Variants in PCDHB8 observed in about 807,000 individuals in gnomAD.
The protein encoded by PCDHB8 is protocadherin beta 8, also known as protocadherin beta-8.
For synonymous variants in PCDHB8, 385 were observed against 448.5 expected, an observed-to-expected ratio of 0.86 and a Z score of 1.79; for missense variants, 836 against 1,004.0, an observed-to-expected ratio of 0.83 and a Z score of 2.26.
At position 141,180,020 on chromosome 5, in the gene PCDHB8, C is replaced by T. The variant is rs782549414; in HGVS notation, c.1986C>T (p.Leu662=). The T allele has an allele frequency of 1.2e-6, 2 of 1,609,178 alleles. No homozygotes were observed. The highest frequency in any genetic ancestry group is 2.2e-5 in the East Asian group (1 of 44,878). ...CGGCCACCGCCACGCTGCACGTGCT[C>T]CTGGTGGACGGCTTCTCCCAGCCCT... ...PCSATATLHV[L]LVDGFSQPYL... is the part of the protein sequence containing the mutation. Residue 662 remains leucine, a synonymous_variant, in exon 1 of 1, where the codon CTC becomes CTT. Coordinates refer to ENST00000239444, the MANE Select transcript of PCDHB8 (RefSeq NM_019120.5).
rs782343906 is a variant in PCDHB8, at chr5:141,178,697, G to A, written c.663G>A (p.Pro221=). 6 of 1,603,144 alleles carry A rather than the reference G, an allele frequency of 3.7e-6. No homozygotes were observed. The East Asian group carries it at 1.4e-4, about 36-fold the overall frequency. ...LTLTALDGGS[P]PRSGTAQVYI... Reference sequence around the variant, plus strand: ...TCACAGCACTGGATGGTGGCTCTCCGCCCAGATCTGGCACTGCTCAGGTCT... The same window carrying A: ...TCACAGCACTGGATGGTGGCTCTCCACCCAGATCTGGCACTGCTCAGGTCT... The change falls in exon 1 of 1, where the codon CCG becomes CCA. Residue 221 remains proline (P), a synonymous_variant. Transcript: ENST00000239444.
In PCDHB8 at chr5:141,178,902, A is replaced by G. The variant is rs572365280; in HGVS notation, c.868A>G (p.Ser290Gly). The G allele has an allele frequency of 4.3e-6, 7 of 1,614,260 alleles. No individual in the cohort carries two copies. The Admixed American group carries it at 5.0e-5, about 12-fold the overall frequency. Residue 290 changes from serine to glycine, a missense_variant, in exon 1 of 1, where the codon AGC (serine) becomes GGC (glycine). Physicochemically the swap from Ser to Gly is moderately conservative, Grantham distance 56 (BLOSUM62 0). Coordinates refer to ENST00000239444, the MANE Select transcript of PCDHB8 (RefSeq NM_019120.5). ...ACTTTTCCAAGCTTCAGATGAGATA[A>G]GCAAAACTTTTAAGGTCGATTTCTT... ...YSLFQASDEI[S>G]KTFKVDFLTG...
rs1554281457 is a variant in PCDHB8 at position 141,179,941 on chromosome 5, C to A, written c.1907C>A (p.Ala636Glu). 1 of 1,608,740 alleles carries A rather than the reference C, an allele frequency of 6.2e-7. No individual in the cohort carries two copies. Among genetic ancestry groups the A allele is most frequent in the Non-Finnish European group, 8.5e-7 (1 of 1,179,580 alleles). The change falls in exon 1 of 1, where the codon GCG (alanine) becomes GAG (glutamate). Residue 636 changes from alanine to glutamate, a missense_variant. Transcript: ENST00000239444. Reference protein sequence around the residue: ...RTARLLSERDAAKQRLVVLVK... With the variant: ...RTARLLSERDEAKQRLVVLVK... ...GCCAGGCTGCTGAGCGAGCGCGACG[C>A]GGCCAAGCAGAGGCTGGTGGTGCTG...
At position 141,178,547 on chromosome 5, in the gene PCDHB8, T is replaced by C. The variant is rs1425183912; in HGVS notation, c.513T>C (p.Tyr171=). ...LDIGQNNIEN[Y]IISPNSYFRV... is the part of the protein sequence containing the mutation. ...TAGGCCAAAACAATATTGAGAACTA[T>C]ATAATCAGCCCCAACTCCTATTTTC... The change falls in exon 1 of 1, where the codon TAT becomes TAC. Residue 171 remains tyrosine (Y), a synonymous_variant. Coordinates refer to ENST00000239444, the MANE Select transcript of PCDHB8 (RefSeq NM_019120.5). 10 of 1,614,042 alleles carry C rather than the reference T, an allele frequency of 6.2e-6. No individual in the cohort carries two copies. In the East Asian group the frequency reaches 1.1e-4, roughly 18 times the overall value.
In PCDHB8 at chr5:141,179,986, C is replaced by G; in HGVS notation, c.1952C>G (p.Pro651Arg). 1 of 1,608,722 alleles carries G rather than the reference C, an allele frequency of 6.2e-7. No individual in the cohort carries two copies. Among genetic ancestry groups the G allele is most frequent in the Non-Finnish European group, 8.5e-7 (1 of 1,179,710 alleles). ...LVVLVKDNGEPPCSATATLHV... is the reference protein window; with the variant it reads ...LVVLVKDNGERPCSATATLHV... Reference sequence around the variant, plus strand: ...GTGCTGGTCAAGGACAATGGCGAGCCTCCGTGCTCGGCCACCGCCACGCTG... The same window carrying G: ...GTGCTGGTCAAGGACAATGGCGAGCGTCCGTGCTCGGCCACCGCCACGCTG... The change falls in exon 1 of 1, where the codon CCT becomes CGT. Residue 651 changes from proline to arginine, a missense_variant. Physicochemically the swap from Pro to Arg is moderately radical, Grantham distance 103. Coordinates refer to ENST00000239444, the MANE Select transcript of PCDHB8 (RefSeq NM_019120.5).
rs1554281018 is a variant in PCDHB8, at chr5:141,178,787, G to T, written c.753G>T (p.Gln251His). The change falls in exon 1 of 1, where the codon CAG becomes CAT. Residue 251 changes from glutamine (Q) to histidine (H), a missense_variant. Gln to His is a conservative substitution (Grantham distance 24, BLOSUM62 0). Coordinates refer to ENST00000239444, the MANE Select transcript of PCDHB8 (RefSeq NM_019120.5). ...TTGAGCAGCCTTTCTATAGGGTGCA[G>T]ATCTCTGAGGACAGTCCAATAAGCT... ...PEFEQPFYRV[Q>H]ISEDSPISFL... 1 of 1,614,128 alleles carries T rather than the reference G, an allele frequency of 6.2e-7. No individual in the cohort carries two copies. Among genetic ancestry groups the T allele is most frequent in the Non-Finnish European group, 8.5e-7 (1 of 1,180,030 alleles).
Position 141,179,934 on chromosome 5 carries a change from C to A in PCDHB8, c.1900C>A (p.Arg634Ser), listed in dbSNP as rs782519470. 9.9e-6 allele frequency: 16 copies of A among 1,608,664 alleles called. No homozygotes were observed. The highest frequency in any genetic ancestry group is 2.7e-5 in the African/African-American group (2 of 74,866). Reference sequence around the variant, plus strand: ...GCGCACCGCCAGGCTGCTGAGCGAGCGCGACGCGGCCAAGCAGAGGCTGGT... The same window carrying A: ...GCGCACCGCCAGGCTGCTGAGCGAGAGCGACGCGGCCAAGCAGAGGCTGGT... ...EVRTARLLSE[R>S]DAAKQRLVVL... Residue 634 changes from arginine (R) to serine (S), a missense_variant, in exon 1 of 1, where the codon CGC (arginine) becomes AGC (serine). Coordinates refer to ENST00000239444, the MANE Select transcript of PCDHB8 (RefSeq NM_019120.5).
At position 141,180,263 on chromosome 5, in the gene PCDHB8, C is replaced by T. The variant is rs540148527; in HGVS notation, c.2229C>T (p.Thr743=). ...GGCATCTGGTGGACGTGAGGGGCAC[C>T]GGGAGCCTGTCTCAGAACTATCAGT... ...FPGHLVDVRG[T]GSLSQNYQYE... Residue 743 remains threonine, a synonymous_variant, in exon 1 of 1, where the codon ACC becomes ACT. Coordinates refer to ENST00000239444, the MANE Select transcript of PCDHB8 (RefSeq NM_019120.5). 3.0e-5 allele frequency: 49 copies of T among 1,613,794 alleles called. No homozygotes were observed. The highest frequency in any genetic ancestry group is 4.4e-5 in the South Asian group (4 of 91,068).
At position 141,179,990 on chromosome 5, in the gene PCDHB8, G is replaced by A. The variant is rs782285661; in HGVS notation, c.1956G>A (p.Pro652=). The A allele has an allele frequency of 1.9e-6, 3 of 1,608,716 alleles. No homozygotes were observed. Among genetic ancestry groups the A allele is most frequent in the African/African-American group, 1.3e-5 (1 of 75,004 alleles). Residue 652 remains proline, a synonymous_variant, in exon 1 of 1, where the codon CCG becomes CCA. Coordinates refer to ENST00000239444, the MANE Select transcript of PCDHB8 (RefSeq NM_019120.5). The stretch of plus-strand genomic sequence containing the variant: ...TGGTCAAGGACAATGGCGAGCCTCC[G>A]TGCTCGGCCACCGCCACGCTGCACG... The part of the protein sequence containing the change: ...VVLVKDNGEP[P]CSATATLHVL...
In PCDHB8 at chr5:141,180,230, C is replaced by T. The variant is rs782559882; in HGVS notation, c.2196C>T (p.Pro732=). The T allele has an allele frequency of 6.2e-6, 10 of 1,613,460 alleles. No individual in the cohort carries two copies. The East Asian group carries it at 1.8e-4, about 29-fold the overall frequency. ...SVGRCSVPEG[P]FPGHLVDVRG... is the part of the protein sequence containing the mutation. ...GTCGCTGCTCAGTGCCTGAGGGCCC[C>T]TTTCCAGGGCATCTGGTGGACGTGA... The change falls in exon 1 of 1, where the codon CCC becomes CCT. Residue 732 remains proline, a synonymous_variant. Transcript: ENST00000239444.
In PCDHB8 at chr5:141,179,654, G is replaced by T; in HGVS notation, c.1620G>T (p.Pro540=). 2 of 1,612,724 alleles carry T rather than the reference G, an allele frequency of 1.2e-6. No individual in the cohort carries two copies. The highest frequency in any genetic ancestry group is 1.7e-6 in the Non-Finnish European group (2 of 1,179,862). ...FRVGASDRGS[P]ALSSEALVRV... is the part of the protein sequence containing the mutation. ...TGGGCGCTTCAGACCGCGGCTCCCC[G>T]GCTTTGAGCAGCGAGGCGCTGGTGC... The change falls in exon 1 of 1, where the codon CCG becomes CCT. Residue 540 remains proline (P), a synonymous_variant. Transcript: ENST00000239444.
rs782259875 is a variant in PCDHB8 at position 141,179,727 on chromosome 5, C to T, written c.1693C>T (p.Pro565Ser). The change falls in exon 1 of 1, where the codon CCG (proline) becomes TCG (serine). Residue 565 changes from proline (P) to serine (S), a missense_variant. Coordinates refer to ENST00000239444, the MANE Select transcript of PCDHB8 (RefSeq NM_019120.5). ...CGACAACTCGCCCTTCGTGCTGTAC[C>T]CGCTGCAGAATGGCTCCGCGCCCTG... is the stretch of plus-strand genomic sequence containing the variant. ...ANDNSPFVLYPLQNGSAPCTE... is the reference protein window; with the variant it reads ...ANDNSPFVLYSLQNGSAPCTE... The T allele has an allele frequency of 3.1e-6, 5 of 1,611,784 alleles. No individual in the cohort carries two copies. The highest frequency in any genetic ancestry group is 1.7e-5 in the Admixed American group (1 of 59,992).
rs565541057 is a variant in PCDHB8, at chr5:141,178,666, T to G, written c.632T>G (p.Leu211Ter). 6.2e-7 allele frequency: 1 copy of G among 1,611,274 alleles called. No individual in the cohort carries two copies. The highest frequency in any genetic ancestry group is 1.3e-5 in the African/African-American group (1 of 74,868). The part of the protein sequence containing the change: ...LDREEEAELR[L>*]TLTALDGGSP... ...CGAGAGGAAGAAGCTGAGCTCAGGT[T>G]AACACTCACAGCACTGGATGGTGGC... Residue 211 changes from leucine to a stop codon, truncating the protein, a stop_gained, in exon 1 of 1, where the codon TTA (leucine) becomes TGA (stop). Coordinates refer to ENST00000239444, the MANE Select transcript of PCDHB8 (RefSeq NM_019120.5). LOFTEE classifies it low-confidence loss of function (END_TRUNC).
chr5:141,180,269 C>G lies in PCDHB8; in HGVS notation c.2235C>G (p.Ser745Arg), dbSNP rs782208277. ...TGGTGGACGTGAGGGGCACCGGGAG[C>G]CTGTCTCAGAACTATCAGTACGAGG... ...GHLVDVRGTG[S>R]LSQNYQYEVC... Residue 745 changes from serine (S) to arginine (R), a missense_variant, in exon 1 of 1, where the codon AGC (serine) becomes AGG (arginine). By Grantham distance (110) the Ser-to-Arg change is moderately radical. Coordinates refer to ENST00000239444, the MANE Select transcript of PCDHB8 (RefSeq NM_019120.5). 1.9e-6 allele frequency: 3 copies of G among 1,613,948 alleles called. No individual in the cohort carries two copies. The highest frequency in any genetic ancestry group is 1.1e-5 in the South Asian group (1 of 91,060).
At position 141,179,907 on chromosome 5, in the gene PCDHB8, G is replaced by A. The variant is rs1250908322; in HGVS notation, c.1873G>A (p.Val625Met). 6.2e-7 allele frequency: 1 copy of A among 1,609,502 alleles called. No individual in the cohort carries two copies. Among genetic ancestry groups the A allele is most frequent in the East Asian group, 2.2e-5 (1 of 44,876 alleles). ...CGGTGTGTGGGCGCACAATGGCGAG[G>A]TGCGCACCGCCAGGCTGCTGAGCGA... ...LFGVWAHNGE[V>M]RTARLLSERD... The change falls in exon 1 of 1, where the codon GTG becomes ATG. Residue 625 changes from valine (V) to methionine (M), a missense_variant. Transcript: ENST00000239444.
Position 141,179,464 on chromosome 5 carries a change from CAGACAG to C in PCDHB8, c.1435_1440del (p.Arg479_Asp480del). On this transcript the variant is annotated inframe_deletion, in exon 1 of 1. Transcript: ENST00000239444. ...CTGCACATCGGCAGCGTCAGCGCCA[CAGACAG>C]AGACTCGGGCACCAACGCCCAGGTC... 6.2e-7 allele frequency: 1 copy of C among 1,613,740 alleles called. No homozygotes were observed. The highest frequency in any genetic ancestry group is 8.5e-7 in the Non-Finnish European group (1 of 1,179,984).
At position 141,179,656 on chromosome 5, in the gene PCDHB8, C is replaced by G; in HGVS notation, c.1622C>G (p.Ala541Gly). Residue 541 changes from alanine to glycine, a missense_variant, in exon 1 of 1, where the codon GCT (alanine) becomes GGT (glycine). By Grantham distance (60) the Ala-to-Gly change is moderately conservative (BLOSUM62 0). Transcript: ENST00000239444. The stretch of plus-strand genomic sequence containing the variant: ...GGCGCTTCAGACCGCGGCTCCCCGG[C>G]TTTGAGCAGCGAGGCGCTGGTGCGC... ...RVGASDRGSP[A>G]LSSEALVRVL... 2.5e-6 allele frequency: 4 copies of G among 1,612,690 alleles called. No individual in the cohort carries two copies. The highest frequency in any genetic ancestry group is 2.5e-6 in the Non-Finnish European group (3 of 1,179,872).
In PCDHB8 at chr5:141,180,069, C is replaced by A; in HGVS notation, c.2035C>A (p.Pro679Thr). 6.2e-7 allele frequency: 1 copy of A among 1,610,016 alleles called. No individual in the cohort carries two copies. The highest frequency in any genetic ancestry group is 8.5e-7 in the Non-Finnish European group (1 of 1,179,854). Reference sequence around the variant, plus strand: ...CTACCTGCCGCTTCCGGAGGCTGCCCCAGCCCAGGGCCAGGCCGACTCTCT... The same window carrying A: ...CTACCTGCCGCTTCCGGAGGCTGCCACAGCCCAGGGCCAGGCCGACTCTCT... ...QPYLPLPEAA[P>T]AQGQADSLTV... The change falls in exon 1 of 1, where the codon CCA becomes ACA. Residue 679 changes from proline to threonine, a missense_variant. Transcript: ENST00000239444.
At position 141,180,309 on chromosome 5, in the gene PCDHB8, G is replaced by C; in HGVS notation, c.2275G>C (p.Gly759Arg). The change falls in exon 1 of 1, where the codon GGC (glycine) becomes CGC (arginine). Residue 759 changes from glycine to arginine, a missense_variant. By Grantham distance (125) the Gly-to-Arg change is moderately radical. Coordinates refer to ENST00000239444, the MANE Select transcript of PCDHB8 (RefSeq NM_019120.5). ...NYQYEVCLAG[G>R]SGTNEFQLLK... ...TCAGTACGAGGTGTGCCTGGCAGGA[G>C]GCTCAGGGACGAATGAGTTCCAGCT... 2 of 1,614,088 alleles carry C rather than the reference G, an allele frequency of 1.2e-6. No homozygotes were observed. The highest frequency in any genetic ancestry group is 1.7e-6 in the Non-Finnish European group (2 of 1,179,974).
Sources: allele counts gnomAD v4.1 joint callset, GRCh38; gene constraint gnomAD v4.1.1; transcripts MANE v1.5; gene names NCBI Gene and HGNC (gene_info 2026-07-23, HGNC 2026-07-21).